PTPRG: variants seen among roughly 807,000 people sequenced by gnomAD.
PTPRG encodes the protein protein tyrosine phosphatase receptor type G.
Under a neutral mutation model 165.3 loss-of-function variants are expected in PTPRG, and 102 were observed. The ratio of observed to expected loss-of-function variants is 0.62; its 90% CI spans 0.53 to 0.73. The LOEUF is 0.73. Among genes scored for constraint, PTPRG ranks in the 30% least tolerant of loss-of-function variants. The pLI is 0.00. For missense variants in PTPRG, 1,866 were observed against 1,861.4 expected (o/e 1.00, Z -0.05); for synonymous variants, 675 against 669.5 (o/e 1.01, Z -0.13).
intron 6 of PTPRG, among the ~76,000 whole-genome samples, chr3:62,155,218 CGAATT>C (rs1440457746): frequency 1.3e-5 from 2 of 152,174 alleles, no homozygotes; most frequent in African/African-American, 4.8e-5. Context: ...TAGAAAAAGA[CGAATT>C]GAACACCTCT....
intron 2 of PTPRG, among the ~76,000 whole-genome samples, chr3:61,816,844 GAT>G: frequency 6.6e-6 from 1 of 151,294 alleles, no homozygotes; most frequent in Non-Finnish European, 1.5e-5. Context: ...TCACTGTGCT[GAT>G]GAGAAAAGTT....
chr3:61,765,676 G>A (rs1184282176), intron 2 of PTPRG, among the ~76,000 whole-genome samples: 1 of 152,168 alleles, frequency 6.6e-6, no homozygotes, highest in Non-Finnish European at 1.5e-5. Flanking sequence ...AGGCTACCGT[G>A]ATCCAGCTTT....
intron 2 of PTPRG, among the ~76,000 whole-genome samples, chr3:61,808,420 A>ATT (rs369805564): frequency 6.6e-6 from 1 of 150,600 alleles, no homozygotes; most frequent in Admixed American, 6.6e-5. Flanking sequence ...AAATCTATAC[A>ATT]TTTTTTTTTC....
chr3:62,194,708 C>G (rs372951822), intron 9 of PTPRG, among the ~76,000 whole-genome samples: 2 of 151,984 alleles, frequency 1.3e-5, no homozygotes, highest in East Asian at 3.9e-4. Flanking sequence ...GAGGCTGAGG[C>G]AAGAGAATCA....
intron 2 of PTPRG, among the ~76,000 whole-genome samples, chr3:61,954,064 A>T (rs2039965985): frequency 6.6e-6 from 1 of 152,172 alleles, no homozygotes; most frequent in Non-Finnish European, 1.5e-5. Flanking sequence ...TTGGTCTTCC[A>T]GTTTGTTTTC....
intron 4 of PTPRG, among the ~76,000 whole-genome samples, chr3:62,062,434 G>C (rs1170180487): frequency 6.6e-6 from 1 of 152,112 alleles, no homozygotes; most frequent in East Asian, 1.9e-4. Flanking sequence ...TTTCAGCTTT[G>C]CTCGTATGCT....
At chr3:61,565,338 C>T (rs1217123327) in intron 1 of PTPRG, among the ~76,000 whole-genome samples, 1 of 152,160 alleles carries the variant, frequency 6.6e-6, no homozygotes, top group Non-Finnish European at 1.5e-5. Flanking sequence ...TATTACATTG[C>T]TATATACATC....
At chr3:61,978,618 A>C (rs2040564277) in intron 2 of PTPRG, among the ~76,000 whole-genome samples, 1 of 152,212 alleles carries the variant, frequency 6.6e-6, no homozygotes, top group South Asian at 2.1e-4. Context: ...GCTGGTACAT[A>C]AGGTATGCAG....
intron 1 of PTPRG, among the ~76,000 whole-genome samples, chr3:61,697,770 C>G (rs1297126099): frequency 6.6e-6 from 1 of 152,156 alleles, no homozygotes; most frequent in Admixed American, 6.5e-5. Context: ...CTTCCCTTTC[C>G]CCTATGAAAA....
chr3:61,935,804 C>G (rs2039471951), intron 2 of PTPRG, among the ~76,000 whole-genome samples: 1 of 151,742 alleles, frequency 6.6e-6, no homozygotes, highest in Admixed American at 6.6e-5. Context: ...TATTAGCCAA[C>G]CTCACCTAAT....
intron 4 of PTPRG, 84 bp downstream of exon 4, chr3:62,003,581 T>G (rs1575875038): frequency 6.5e-7 from 1 of 1,550,098 alleles, no homozygotes; most frequent in African/African-American, 1.4e-5. Flanking sequence ...CTCAGTCATT[T>G]TGCAAATCAC....
intron 6 of PTPRG, among the ~76,000 whole-genome samples, chr3:62,144,582 T>TA (rs1489414661): frequency 6.6e-6 from 1 of 152,208 alleles, no homozygotes; most frequent in Admixed American, 6.5e-5. Context: ...AAATGTGCTA[T>TA]AAATATGCAG....
chr3:62,215,939 T>C (rs777425798), intron 12 of PTPRG, among the ~76,000 whole-genome samples: 7 of 152,286 alleles, frequency 4.6e-5, no homozygotes, highest in Admixed American at 3.9e-4. Flanking sequence ...TGAAATATGC[T>C]GGGCGCGGTG....
intron 2 of PTPRG, among the ~76,000 whole-genome samples, chr3:61,921,974 C>G (rs2039088190): frequency 6.6e-6 from 1 of 152,186 alleles, no homozygotes; most frequent in Non-Finnish European, 1.5e-5. Context: ...GCATCCAGAT[C>G]TGTCTTTAAT....
intron 2 of PTPRG, among the ~76,000 whole-genome samples, chr3:61,844,391 A>G (rs1014896025): frequency 1.3e-5 from 2 of 152,270 alleles, no homozygotes; most frequent in African/African-American, 4.8e-5. Flanking sequence ...GAGATAAATG[A>G]CAAATAATTT....
At chr3:61,576,127 C>T (rs1045027501) in intron 1 of PTPRG, among the ~76,000 whole-genome samples, 3 of 152,210 alleles carry the variant, frequency 2.0e-5, no homozygotes, top group Non-Finnish European at 4.4e-5. Context: ...GTCATGCTTT[C>T]TTCTGTGCAG....
intron 4 of PTPRG, among the ~76,000 whole-genome samples, chr3:62,010,561 GC>G (rs144030696): frequency 0.011 from 1,658 of 151,896 alleles, 17 homozygotes; most frequent in Non-Finnish European, 0.017. Flanking sequence ...TTCCTGTGTT[GC>G]CCAGGCTGGT....
chr3:61,686,319 T>A (rs868572500), intron 1 of PTPRG, among the ~76,000 whole-genome samples: 15 of 152,196 alleles, frequency 9.9e-5, no homozygotes, highest in Admixed American at 7.9e-4. Flanking sequence ...GCAAAGAGAA[T>A]TTGGCCCATA....
chr3:62,276,262 A>T (rs545292389), intron 24 of PTPRG, among the ~76,000 whole-genome samples: 3 of 152,164 alleles, frequency 2.0e-5, no homozygotes, highest in African/African-American at 7.2e-5. Context: ...TCTGACGTAG[A>T]ATACAGCTTC....
Sources: gnomAD v4.1 joint callset for allele counts (sites outside exome capture counted in the v4.1 genomes callset) on GRCh38, gnomAD v4.1.1 for gene constraint, MANE v1.5 for transcripts, NCBI Gene and HGNC (gene_info 2026-07-23, HGNC 2026-07-21) for gene names.